PDSS2: variants seen among roughly 807,000 people sequenced by gnomAD.
PDSS2 encodes decaprenyl diphosphate synthase subunit 2.
A neutral mutation model predicts 44.5 loss-of-function variants in PDSS2; 31 were observed. The ratio of observed to expected loss-of-function variants is 0.70; its 90% CI spans 0.52 to 0.94. The LOEUF (loss-of-function observed/expected upper bound fraction) is 0.94, where lower values mean the gene tolerates loss of function less well. Ranked by LOEUF, PDSS2 falls within the 40% of genes least tolerant of loss-of-function variation. The pLI is 0.00. For missense variants in PDSS2, 452 were observed against 482.2 expected (o/e 0.94, Z 0.59); for synonymous variants, 157 against 180.3 (o/e 0.87, Z 1.03).
chr6:107,393,454 T>TA (rs1562509670), intron 1 of PDSS2, among the ~76,000 whole-genome samples: 1 of 151,944 alleles, frequency 6.6e-6, no homozygotes, highest in African/African-American at 2.4e-5. Context: ...TATGTGCACT[T>TA]AAAAAAAAGA....
intron 1 of PDSS2, among the ~76,000 whole-genome samples, chr6:107,358,258 T>C (rs902408260): frequency 6.6e-6 from 1 of 152,210 alleles, no homozygotes; most frequent in Admixed American, 6.5e-5. Flanking sequence ...TCTCATTATA[T>C]ATATGCAAAT....
rs373652655 is a variant in PDSS2, at chr6:107,401,843, T to TA, written c.296+57146dup. ...TGAACTAACCCAGTCAGACAACAAT[T>TA]AAAAAAAAAAGGAATGAACAGCTGA... On this transcript the variant is annotated intron_variant, in intron 1 of 7. Transcript: ENST00000369037. 3.6e-3 allele frequency among the ~76,000 whole-genome samples: 527 copies of TA among 146,980 alleles called. 3 individuals carry two copies. Among genetic ancestry groups the TA allele is most frequent in the African/African-American group, 0.012 (499 of 40,150 alleles).
chr6:107,160,632 C>T (rs113659506), intron 7 of PDSS2, among the ~76,000 whole-genome samples: 2,421 of 151,654 alleles, frequency 0.016, 53 homozygotes, highest in African/African-American at 0.054. Context: ...GGATTACAGG[C>T]GTGTGTCACC....
intron 6 of PDSS2, among the ~76,000 whole-genome samples, chr6:107,194,473 T>C (rs1290360494): frequency 1.3e-5 from 2 of 152,248 alleles, no homozygotes; most frequent in Admixed American, 6.5e-5. Flanking sequence ...ATAAAATCCC[T>C]TTTTCTTCTT....
chr6:107,314,709 A>G (rs1362294405), intron 2 of PDSS2, among the ~76,000 whole-genome samples: 1 of 152,262 alleles, frequency 6.6e-6, no homozygotes, highest in Admixed American at 6.5e-5. Flanking sequence ...CAGTCAAATT[A>G]GTACGCAAGG....
At position 107,172,013 on chromosome 6, in the gene PDSS2, A is replaced by G. The variant is rs532402316; in HGVS notation, c.1042-17236T>C. 3.3e-5 allele frequency among the ~76,000 whole-genome samples: 5 copies of G among 152,322 alleles called. No individual in the cohort carries two copies. In the South Asian group the frequency reaches 8.3e-4, roughly 25 times the overall value. On this transcript the variant is annotated intron_variant, in intron 7 of 7. Coordinates refer to ENST00000369037, the MANE Select transcript of PDSS2 (RefSeq NM_020381.4). Reference sequence around the variant, plus strand: ...TTTAATTTCTCTGATATAGCACTTTAGGGCACTAATATAATTAAATCTCTA... The same window carrying G: ...TTTAATTTCTCTGATATAGCACTTTGGGGCACTAATATAATTAAATCTCTA...
At chr6:107,229,989 G>C in intron 4 of PDSS2, 1 of 214,104 alleles carries the variant, frequency 4.7e-6, no homozygotes, top group Non-Finnish European at 9.9e-6. Flanking sequence ...TGTACGACTC[G>C]CTGGATTATG....
At chr6:107,348,820 C>T (rs999925573) in intron 1 of PDSS2, among the ~76,000 whole-genome samples, 9 of 152,090 alleles carry the variant, frequency 5.9e-5, no homozygotes, top group African/African-American at 9.7e-5. Context: ...GACATAATAG[C>T]GAATATCTAT....
At chr6:107,210,135 T>C (rs987975048) in intron 6 of PDSS2, among the ~76,000 whole-genome samples, 1 of 152,138 alleles carries the variant, frequency 6.6e-6, no homozygotes, top group Non-Finnish European at 1.5e-5. Context: ...GCTATTACCA[T>C]AGCCCAATTT....
At chr6:107,352,941 T>C (rs139702931) in intron 1 of PDSS2, among the ~76,000 whole-genome samples, 3 of 152,316 alleles carry the variant, frequency 2.0e-5, no homozygotes, top group East Asian at 1.9e-4. Context: ...ACTTGCCCCA[T>C]AGGATTATAA....
chr6:107,190,423 C>T (rs964968850), intron 7 of PDSS2, among the ~76,000 whole-genome samples: 1 of 152,134 alleles, frequency 6.6e-6, no homozygotes, highest in Non-Finnish European at 1.5e-5. Flanking sequence ...CTCATTCACT[C>T]GTCACTTACT....
chr6:107,366,743 T>C (rs988023601), intron 1 of PDSS2, among the ~76,000 whole-genome samples: 5 of 151,946 alleles, frequency 3.3e-5, no homozygotes, highest in African/African-American at 1.2e-4. Context: ...AATGGACAAA[T>C]TCCTAGAGAG....
At chr6:107,212,997 C>T (rs1375249050) in intron 4 of PDSS2, among the ~76,000 whole-genome samples, 1 of 151,854 alleles carries the variant, frequency 6.6e-6, no homozygotes, top group Non-Finnish European at 1.5e-5. Context: ...AGAGCAAGAC[C>T]CTGTCTCTTT....
intron 2 of PDSS2, among the ~76,000 whole-genome samples, chr6:107,280,336 A>G (rs1775921095): frequency 6.6e-6 from 1 of 152,220 alleles, no homozygotes; most frequent in Admixed American, 6.5e-5. Flanking sequence ...TGCTGGGATT[A>G]CAGGCCTAAG....
At chr6:107,311,195 CTT>C (rs35780982) in intron 2 of PDSS2, among the ~76,000 whole-genome samples, 27 of 128,236 alleles carry the variant, frequency 2.1e-4, no homozygotes, top group Non-Finnish European at 2.1e-4. Flanking sequence ...CCACAACCAG[CTT>C]TTTTTTTTTT....
intron 1 of PDSS2, among the ~76,000 whole-genome samples, chr6:107,365,912 G>A (rs1778947511): frequency 6.6e-6 from 1 of 152,050 alleles, no homozygotes; most frequent in Admixed American, 6.5e-5. Flanking sequence ...TGAAAAAACT[G>A]AAAGAAGAAA....
At chr6:107,168,213 TC>T (rs1338834215) in intron 7 of PDSS2, among the ~76,000 whole-genome samples, 2 of 152,332 alleles carry the variant, frequency 1.3e-5, no homozygotes, top group African/African-American at 4.8e-5. Context: ...GTTGAAATGA[TC>T]CCTTTACCAT....
At chr6:107,397,616 T>G (rs1779990270) in intron 1 of PDSS2, among the ~76,000 whole-genome samples, 1 of 152,232 alleles carries the variant, frequency 6.6e-6, no homozygotes, top group Admixed American at 6.5e-5. Flanking sequence ...TTGTTTTCCA[T>G]GAAACACCAC....
At chr6:107,372,510 T>G (rs1002964093) in intron 1 of PDSS2, among the ~76,000 whole-genome samples, 5 of 152,190 alleles carry the variant, frequency 3.3e-5, no homozygotes, top group Non-Finnish European at 4.4e-5. Flanking sequence ...GGAGGGCAGT[T>G]GCGCGATCTC....
Sources: allele counts gnomAD v4.1 joint callset (sites outside exome capture counted in the v4.1 genomes callset), GRCh38; gene constraint gnomAD v4.1.1; transcripts MANE v1.5; gene names NCBI Gene and HGNC (gene_info 2026-07-23, HGNC 2026-07-21).